The following CADPS2 variants were observed in gnomAD, a reference collection of about 807,000 sequenced individuals.
CADPS2 encodes the protein calcium-dependent secretion activator 2.
In CADPS2, 93 loss-of-function variants were observed where a neutral mutation model predicts 172.5. The ratio of observed to expected loss-of-function variants is 0.54; its 90% CI spans 0.46 to 0.64. The LOEUF is 0.64. Ranked by LOEUF, CADPS2 falls within the 30% of genes least tolerant of loss-of-function variation. CADPS2 has a pLI of 0.00. For synonymous variants in CADPS2, 546 were observed against 555.2 expected (o/e 0.98, Z 0.23); for missense variants, 1,420 against 1,565.9 (o/e 0.91, Z 1.57).
chr7:122,325,239 T>A (rs1158439646), intron 29 of CADPS2, among the ~76,000 whole-genome samples: 1 of 152,158 alleles, frequency 6.6e-6, no homozygotes, highest in African/African-American at 2.4e-5. Flanking sequence ...GTGCTGGGGC[T>A]TTATGTATTT....
intron 8 of CADPS2, among the ~76,000 whole-genome samples, chr7:122,531,278 G>T (rs1318334254): frequency 6.6e-6 from 1 of 152,220 alleles, no homozygotes; most frequent in Non-Finnish European, 1.5e-5. Context: ...AGAAGAAGAG[G>T]TGAAGTTAGG....
intron 1 of CADPS2, among the ~76,000 whole-genome samples, chr7:122,868,863 A>C (rs1818982967): frequency 6.6e-6 from 1 of 152,208 alleles, no homozygotes; most frequent in Non-Finnish European, 1.5e-5. Flanking sequence ...ACATATTAAA[A>C]ACTACTAAAC....
chr7:122,509,131 G>A (rs1044144098), intron 9 of CADPS2, among the ~76,000 whole-genome samples: 1 of 152,128 alleles, frequency 6.6e-6, no homozygotes, highest in Admixed American at 6.6e-5. Flanking sequence ...TTCTTCAGGT[G>A]GTAGTTTCAT....
intron 1 of CADPS2, among the ~76,000 whole-genome samples, chr7:122,820,353 T>C (rs1042609900): frequency 6.6e-6 from 1 of 152,022 alleles, no homozygotes; most frequent in African/African-American, 2.4e-5. Context: ...TTACCTATCT[T>C]GGCATAATTC....
At chr7:122,641,392 C>T (rs899776575) in intron 3 of CADPS2, among the ~76,000 whole-genome samples, 4 of 152,120 alleles carry the variant, frequency 2.6e-5, no homozygotes, top group South Asian at 2.1e-4. Flanking sequence ...AGAATTCTCT[C>T]GGTTAGGGAA....
chr7:122,785,730 C>A (rs1739360037), intron 1 of CADPS2, among the ~76,000 whole-genome samples: 1 of 152,056 alleles, frequency 6.6e-6, no homozygotes, highest in African/African-American at 2.4e-5. Flanking sequence ...CAGGAATCTT[C>A]TGATCTTTGA....
chr7:122,608,469 G>A (rs2073879597), intron 6 of CADPS2, among the ~76,000 whole-genome samples: 1 of 152,064 alleles, frequency 6.6e-6, no homozygotes, highest in African/African-American at 2.4e-5. Context: ...ATTTGTAGCT[G>A]CAATGTTCTT....
intron 27 of CADPS2, among the ~76,000 whole-genome samples, chr7:122,358,990 T>C (rs923506418): frequency 3.9e-5 from 6 of 152,138 alleles, no homozygotes; most frequent in African/African-American, 9.7e-5. Flanking sequence ...TGTTTCCCTA[T>C]GTCTTTTGTC....
intron 1 of CADPS2, among the ~76,000 whole-genome samples, chr7:122,764,562 TAAGATGGTGCTGAATGGA>T (rs1307580102): frequency 2.0e-5 from 3 of 148,350 alleles, no homozygotes; most frequent in Non-Finnish European, 4.4e-5. Flanking sequence ...AAACACAGTG[TAAGATGGTGCTGAATGGA>T]ATGAAGCAAA....
chr7:122,803,696 T>C (rs1378512181), intron 1 of CADPS2, among the ~76,000 whole-genome samples: 1 of 152,184 alleles, frequency 6.6e-6, no homozygotes, highest in African/African-American at 2.4e-5. Context: ...TGGTAGTTTG[T>C]ATGTCTGTGG....
intron 3 of CADPS2, among the ~76,000 whole-genome samples, chr7:122,636,793 G>C (rs1483180764): frequency 6.6e-6 from 1 of 151,920 alleles, no homozygotes; most frequent in Non-Finnish European, 1.5e-5. Flanking sequence ...TTTTGTTGTT[G>C]TTGAACTTGG....
intron 27 of CADPS2, chr7:122,354,367 T>C (rs2039083796): frequency 6.6e-6 from 1 of 152,148 alleles, no homozygotes; most frequent in Non-Finnish European, 1.5e-5. Context: ...TGATAATAGA[T>C]GAAGTGATGG....
At chr7:122,603,469 AAC>A in intron 6 of CADPS2, among the ~76,000 whole-genome samples, 1 of 149,948 alleles carries the variant, frequency 6.7e-6, no homozygotes. Context: ...AGAAAAAAAA[AAC>A]ACTCAAAGCA....
At chr7:122,670,503 CTT>C (rs969523068) in intron 2 of CADPS2, among the ~76,000 whole-genome samples, 2 of 143,788 alleles carry the variant, frequency 1.4e-5, no homozygotes, top group Non-Finnish European at 3.1e-5. Context: ...CCCAGGAGTT[CTT>C]TTTTTTTTTT....
At chr7:122,433,355 C>T (rs919424308) in intron 17 of CADPS2, among the ~76,000 whole-genome samples, 1 of 151,754 alleles carries the variant, frequency 6.6e-6, no homozygotes, top group African/African-American at 2.4e-5. Context: ...GTTTTCCCTT[C>T]AATCAATTTA....
intron 1 of CADPS2, among the ~76,000 whole-genome samples, chr7:122,784,278 G>C (rs1470659237): frequency 6.6e-6 from 1 of 151,972 alleles, no homozygotes; most frequent in Non-Finnish European, 1.5e-5. Flanking sequence ...CAACTTTCAG[G>C]TCGTTGGGTA....
At chr7:122,559,727 T>C (rs2065481994) in intron 7 of CADPS2, among the ~76,000 whole-genome samples, 1 of 135,632 alleles carries the variant, frequency 7.4e-6, no homozygotes, top group South Asian at 2.2e-4. Context: ...GCCGAGACTG[T>C]GCCATTGCAC....
At chr7:122,321,087 A>C (rs1406731869) in intron 29 of CADPS2, among the ~76,000 whole-genome samples, 3 of 152,216 alleles carry the variant, frequency 2.0e-5, no homozygotes, top group Non-Finnish European at 4.4e-5. Context: ...CAAGACAACA[A>C]AATCCAACAA....
intron 1 of CADPS2, among the ~76,000 whole-genome samples, chr7:122,748,018 AT>A (rs1460626867): frequency 1.3e-5 from 2 of 152,110 alleles, no homozygotes; most frequent in Admixed American, 6.6e-5. Flanking sequence ...TAGGATGCAG[AT>A]TTCTTCAACG....
Sources: allele counts gnomAD v4.1 joint callset (sites outside exome capture counted in the v4.1 genomes callset), GRCh38; gene constraint gnomAD v4.1.1; transcripts MANE v1.5; gene names NCBI Gene and HGNC (gene_info 2026-07-23, HGNC 2026-07-21).